Variants in ADGRV1 observed in about 807,000 individuals in gnomAD.
The protein encoded by ADGRV1 is G-protein coupled receptor 98.
Under a neutral mutation model 596.2 loss-of-function variants are expected in ADGRV1, and 359 were observed. The ratio of observed to expected loss-of-function variants is 0.60; its 90% CI spans 0.55 to 0.66. ADGRV1 has a LOEUF of 0.66. Among genes scored for constraint, ADGRV1 ranks in the 30% least tolerant of loss-of-function variants. The probability of loss-of-function intolerance (pLI) is 0.00; values close to 1 mark genes in which losing one functional copy is unlikely to be tolerated. For synonymous variants in ADGRV1, 2,681 were observed against 2,679.2 expected, an observed-to-expected ratio of 1.00 and a Z score of -0.02; for missense variants, 7,274 against 7,575.6, an observed-to-expected ratio of 0.96 and a Z score of 1.48.
At position 90,724,886 on chromosome 5, in the gene ADGRV1, C is replaced by T. The variant is rs1561602725; in HGVS notation, c.9803C>T (p.Ser3268Phe). ...CAAAGTTTTTTGGATGAATCAGCTT[C>T]TGGCTGGTGTTTCTTTACTTTGGAA... The part of the protein sequence containing the change: ...VFQSFLDESA[S>F]GWCFFTLENL... The change falls in exon 46 of 90, where the codon TCT (serine) becomes TTT (phenylalanine). Residue 3268 changes from serine to phenylalanine, a missense_variant. Transcript: ENST00000405460. The T allele has an allele frequency of 1.2e-6, 2 of 1,612,872 alleles. No homozygotes were observed. The highest frequency in any genetic ancestry group is 1.7e-6 in the Non-Finnish European group (2 of 1,179,144).
intron 29 of ADGRV1, among the ~76,000 whole-genome samples, chr5:90,686,979 T>C (rs1466274769): frequency 6.6e-6 from 1 of 152,180 alleles, no homozygotes; most frequent in Non-Finnish European, 1.5e-5. Flanking sequence ...TGATGAGCAT[T>C]TCTTCATGTG....
intron 85 of ADGRV1, among the ~76,000 whole-genome samples, chr5:91,049,252 T>A (rs966456147): frequency 6.6e-6 from 1 of 152,166 alleles, no homozygotes; most frequent in Non-Finnish European, 1.5e-5. Flanking sequence ...AAAGCTTGTG[T>A]TTGTTTATGG....
rs543984378 is a variant in ADGRV1, at chr5:91,045,940, A to G, written c.18153-26507A>G. Reference sequence around the variant, plus strand: ...CTCTTATAATAGCTGCAAAAAAATAAAATACTTAGGAATACACTAAGGAGG... The same window carrying G: ...CTCTTATAATAGCTGCAAAAAAATAGAATACTTAGGAATACACTAAGGAGG... On this transcript the variant is annotated intron_variant, in intron 85 of 89. Transcript: ENST00000405460. Among the ~76,000 whole-genome samples the G allele has an allele frequency of 6.6e-5, 10 of 152,270 alleles. No homozygotes were observed. In the East Asian group the frequency reaches 1.9e-3, roughly 29 times the overall value.
intron 1 of ADGRV1, 86 bp from the exon 2 acceptor site, chr5:90,614,749 A>G (rs1763143657): frequency 1.0e-6 from 1 of 999,038 alleles, no homozygotes; most frequent in East Asian, 2.6e-5. Flanking sequence ...AACTCTTCAT[A>G]CTATGTTTAT....
chr5:91,014,659 A>G (rs1042980272), intron 85 of ADGRV1, among the ~76,000 whole-genome samples: 17 of 151,704 alleles, frequency 1.1e-4, no homozygotes, highest in African/African-American at 4.1e-4. Flanking sequence ...CATCTCTTCT[A>G]GGTTTTCCAG....
chr5:90,986,264 G>C (rs1780496832), intron 85 of ADGRV1, among the ~76,000 whole-genome samples: 1 of 151,566 alleles, frequency 6.6e-6, no homozygotes, highest in Admixed American at 6.6e-5. Context: ...AAGAGAAAAA[G>C]TAGAATTCTA....
intron 83 of ADGRV1, among the ~76,000 whole-genome samples, chr5:90,931,372 C>G (rs1775238657): frequency 6.6e-6 from 1 of 152,114 alleles, no homozygotes; most frequent in Admixed American, 6.5e-5. Context: ...AAAAGTTAGT[C>G]ACTTATCCAA....
intron 84 of ADGRV1, among the ~76,000 whole-genome samples, chr5:90,969,837 G>A (rs919028264): frequency 6.6e-6 from 1 of 152,196 alleles, no homozygotes; most frequent in Non-Finnish European, 1.5e-5. Context: ...TCCAACTGAG[G>A]TACTGGGTTC....
chr5:90,938,649 C>G (rs558031007), intron 83 of ADGRV1, among the ~76,000 whole-genome samples: 3 of 152,274 alleles, frequency 2.0e-5, no homozygotes, highest in African/African-American at 4.8e-5. Flanking sequence ...AGGCACTGCT[C>G]TATGCACTGG....
At chr5:91,006,775 C>T (rs1333454556) in intron 85 of ADGRV1, among the ~76,000 whole-genome samples, 4 of 150,330 alleles carry the variant, frequency 2.7e-5, no homozygotes, top group African/African-American at 7.4e-5. Flanking sequence ...AAGAGAAATA[C>T]GGGTATGATA....
At chr5:90,572,957 C>T (rs756712763) in intron 1 of ADGRV1, among the ~76,000 whole-genome samples, 1 of 152,096 alleles carries the variant, frequency 6.6e-6, no homozygotes, top group Non-Finnish European at 1.5e-5. Context: ...TGTCCCCATT[C>T]TTCTGTATAT....
chr5:90,761,203 A>ATAGCTGCC (rs1554106911), intron 58 of ADGRV1, among the ~76,000 whole-genome samples: 2 of 151,314 alleles, frequency 1.3e-5, no homozygotes, highest in East Asian at 3.9e-4. Context: ...AATATAACAA[A>ATAGCTGCC]TAAGGATTTG....
chr5:90,624,763 C>A (rs1188099139), intron 5 of ADGRV1, among the ~76,000 whole-genome samples: 1 of 152,094 alleles, frequency 6.6e-6, no homozygotes, highest in African/African-American at 2.4e-5. Flanking sequence ...TTTATTTATT[C>A]TTCACATCTT....
At chr5:90,641,291 T>C (rs1287384337) in intron 11 of ADGRV1, among the ~76,000 whole-genome samples, 3 of 152,206 alleles carry the variant, frequency 2.0e-5, no homozygotes, top group Non-Finnish European at 4.4e-5. Context: ...AACGGTTCCA[T>C]TGGTTTTCTG....
intron 88 of ADGRV1, among the ~76,000 whole-genome samples, chr5:91,152,297 T>C (rs4540211): frequency 0.68 from 103,378 of 152,138 alleles, 38,109 homozygotes; most frequent in Non-Finnish European, 0.83. Flanking sequence ...GATAGAGCTA[T>C]CTTTTTAATC....
intron 85 of ADGRV1, among the ~76,000 whole-genome samples, chr5:90,995,676 A>G (rs887223758): frequency 6.6e-6 from 1 of 152,230 alleles, no homozygotes; most frequent in African/African-American, 2.4e-5. Context: ...CTCAGAAGAC[A>G]TGAAGATGAG....
intron 1 of ADGRV1, among the ~76,000 whole-genome samples, chr5:90,610,621 T>G (rs917599178): frequency 6.6e-6 from 1 of 152,014 alleles, no homozygotes; most frequent in Non-Finnish European, 1.5e-5. Context: ...TCATGAATCC[T>G]TAGAGAAGAA....
chr5:90,672,552 G>C lies in ADGRV1; in HGVS notation c.4759G>C (p.Glu1587Gln). 6.2e-7 allele frequency: 1 copy of C among 1,613,140 alleles called. No individual in the cohort carries two copies. Among genetic ancestry groups the C allele is most frequent in the East Asian group, 2.2e-5 (1 of 44,852 alleles). The stretch of plus-strand genomic sequence containing the variant: ...AATTTACATTCAATTTCAGATTGCA[G>C]AGGAGGGATCAACCATTTCTTGTGT... The part of the protein sequence containing the change: ...FTGACIPEIA[E>Q]EGSTISCVVE... Residue 1587 changes from glutamate (E) to glutamine (Q), a missense_variant, in exon 22 of 90, where the codon GAG (glutamate) becomes CAG (glutamine). Coordinates refer to ENST00000405460, the MANE Select transcript of ADGRV1 (RefSeq NM_032119.4).
At chr5:90,585,425 A>G (rs1758624868) in intron 1 of ADGRV1, among the ~76,000 whole-genome samples, 1 of 152,166 alleles carries the variant, frequency 6.6e-6, no homozygotes. Context: ...CAAGACAATG[A>G]CAAAAGTCCT....
Sources: gnomAD v4.1 joint callset for allele counts (sites outside exome capture counted in the v4.1 genomes callset) on GRCh38, gnomAD v4.1.1 for gene constraint, MANE v1.5 for transcripts, NCBI Gene and HGNC (gene_info 2026-07-23, HGNC 2026-07-21) for gene names.